Variants in CREB3L2 observed in about 807,000 individuals in gnomAD.
CREB3L2 encodes the protein cAMP responsive element binding protein 3 like 2.
Under a neutral mutation model 57.2 loss-of-function variants are expected in CREB3L2, and 23 were observed. The ratio of observed to expected loss-of-function variants is 0.40; its 90% CI spans 0.29 to 0.57. The LOEUF is 0.57. Among genes scored for constraint, CREB3L2 ranks in the 20% least tolerant of loss-of-function variants. CREB3L2 has a pLI of 0.42. For missense variants in CREB3L2, 628 were observed against 634.7 expected, an observed-to-expected ratio of 0.99 and a Z score of 0.11; for synonymous variants, 268 against 265.1, an observed-to-expected ratio of 1.01 and a Z score of -0.11.
Position 138,001,547 on chromosome 7 carries a change from G to A in CREB3L2, c.102+57C>T. On this transcript the variant is annotated intron_variant, in intron 1 of 11. Coordinates refer to ENST00000330387, the MANE Select transcript of CREB3L2 (RefSeq NM_194071.4). The surrounding 1 kb of genome is among the most constrained non-coding windows in gnomAD (Gnocchi z 4.2). ...GGTCCCAGGACTCCAGCTGCTCCTC[G>A]CGTGACAACACTTGCCCGCTTTGAA... The A allele has an allele frequency of 7.4e-7, 1 of 1,346,402 alleles. No homozygotes were observed. Among genetic ancestry groups the A allele is most frequent in the Admixed American group, 2.0e-5 (1 of 49,818 alleles). The allele number at this position is 1,346,402 out of a possible 1,614,324, so 83.4% of individuals were successfully genotyped here. A position where few individuals can be genotyped will look rare whatever the true frequency, so the allele number is the denominator to read the frequency against.
intron 1 of CREB3L2, chr7:137,936,054 T>C (rs1470508178): frequency 7.1e-5 from 29 of 408,318 alleles, no homozygotes; most frequent in Non-Finnish European, 9.6e-5. Flanking sequence ...TTCATAATTC[T>C]TTAGTTCAAA....
chr7:137,922,744 C>T (rs1272366888), intron 2 of CREB3L2: 1 of 396,316 alleles, frequency 2.5e-6, no homozygotes, highest in Non-Finnish European at 5.2e-6. Context: ...GACCGTACAT[C>T]CATTTACTAT....
At chr7:137,922,483 T>C (rs1800350543) in intron 2 of CREB3L2, 1 of 186,154 alleles carries the variant, frequency 5.4e-6, no homozygotes, top group Non-Finnish European at 1.0e-5. Flanking sequence ...CACATATATA[T>C]ATACACACAC....
At chr7:138,000,681 C>T (rs1330727010) in intron 1 of CREB3L2, among the ~76,000 whole-genome samples, 1 of 152,128 alleles carries the variant, frequency 6.6e-6, no homozygotes, top group Non-Finnish European at 1.5e-5. Context: ...AGTGTCCCCC[C>T]TCACCCCAGC....
intron 8 of CREB3L2, among the ~76,000 whole-genome samples, chr7:137,892,346 T>TA (rs1245158167): frequency 7.5e-6 from 1 of 133,148 alleles, no homozygotes; most frequent in African/African-American, 3.8e-5. Flanking sequence ...ATGCACACAA[T>TA]TAAAAAAAAA....
intron 1 of CREB3L2, among the ~76,000 whole-genome samples, chr7:137,940,626 C>A (rs1040984407): frequency 6.6e-6 from 1 of 152,180 alleles, no homozygotes; most frequent in African/African-American, 2.4e-5. Flanking sequence ...CCACAGACGA[C>A]CCCCACAGAA....
intron 1 of CREB3L2, chr7:137,999,817 G>A (rs531912322): frequency 6.6e-6 from 1 of 152,188 alleles, no homozygotes; most frequent in Non-Finnish European, 1.5e-5. Flanking sequence ...GTACCTAAGT[G>A]GAGGACATAA....
In CREB3L2 at chr7:137,928,365, T is replaced by C; in HGVS notation, c.104A>G (p.His35Arg). The change falls in exon 2 of 12, where the codon CAC becomes CGC. Residue 35 changes from histidine (H) to arginine (R), a missense_variant and splice_region_variant. By Grantham distance (29) the His-to-Arg change is conservative (BLOSUM62 0). Transcript: ENST00000330387. Reference sequence around the variant, plus strand: ...AAACTCATCCAGAAGTTCTGAGAAGTGCTACAAGAAACAAAGGAGGAAGAA... The same window carrying C: ...AAACTCATCCAGAAGTTCTGAGAAGCGCTACAAGAAACAAAGGAGGAAGAA... ...GDGEALMYHT[H>R]FSELLDEFSQ... 1 of 1,613,224 alleles carries C rather than the reference T, an allele frequency of 6.2e-7. No individual in the cohort carries two copies. The highest frequency in any genetic ancestry group is 8.5e-7 in the Non-Finnish European group (1 of 1,179,402).
chr7:137,916,782 G>A (rs1800144942), intron 2 of CREB3L2, among the ~76,000 whole-genome samples: 1 of 151,900 alleles, frequency 6.6e-6, no homozygotes, highest in Non-Finnish European at 1.5e-5. Flanking sequence ...GAGTGAGAGT[G>A]AGAGTGAGAG....
At chr7:137,957,920 A>G in intron 1 of CREB3L2, 1 of 453,066 alleles carries the variant, frequency 2.2e-6, no homozygotes, top group Non-Finnish European at 4.0e-6. Flanking sequence ...AATAATGGCT[A>G]CAATCTAGGA....
intron 1 of CREB3L2, chr7:137,953,568 C>T (rs910909411): frequency 9.1e-6 from 11 of 1,213,320 alleles, no homozygotes; most frequent in South Asian, 3.8e-5. Flanking sequence ...TGGGTGATGA[C>T]GGTCTCAGAA....
Position 137,922,422 on chromosome 7 carries a change from ATATATATATATATACG to A in CREB3L2, c.319+5712_319+5727del, listed in dbSNP as rs1563253327. ...TATATATATATATATATATGTATAT[ATATATATATATATACG>A]TATATATATATATATACACACATAT... On this transcript the variant is annotated intron_variant, in intron 2 of 11. Coordinates refer to ENST00000330387, the MANE Select transcript of CREB3L2 (RefSeq NM_194071.4). 5.2e-3 allele frequency among the ~76,000 whole-genome samples: 230 copies of A among 44,104 alleles called. 7 individuals are homozygous for A. The highest frequency in any genetic ancestry group is 0.032 in the African/African-American group (219 of 6,798). 28.9% of individuals were successfully genotyped at this position (44,104 alleles called of 152,430 possible).
chr7:137,942,798 C>G (rs1411209129), intron 1 of CREB3L2, among the ~76,000 whole-genome samples: 3 of 152,186 alleles, frequency 2.0e-5, no homozygotes, highest in Admixed American at 2.0e-4. Context: ...AATGTTTGTT[C>G]ATGATTGAAC....
intron 7 of CREB3L2, among the ~76,000 whole-genome samples, chr7:137,902,560 A>T (rs1263726279): frequency 1.3e-5 from 2 of 152,210 alleles, no homozygotes; most frequent in African/African-American, 4.8e-5. Flanking sequence ...ATGGGACTAC[A>T]GTCTTCCCAC....
In CREB3L2 at chr7:137,879,661, C is replaced by A. The variant is rs778934798; in HGVS notation, c.*815G>T. On this transcript the variant is annotated 3_prime_UTR_variant, in exon 12 of 12. Transcript: ENST00000330387. ...GGGTGCCCTCCTAGCTCTGAAGGCTCGCAGAAAACTTGGCTAGCTTGAAAG... is the reference window on the plus strand; with the variant it reads ...GGGTGCCCTCCTAGCTCTGAAGGCTAGCAGAAAACTTGGCTAGCTTGAAAG... 4.2e-6 allele frequency: 1 copy of A among 238,482 alleles called. No individual in the cohort carries two copies. Among genetic ancestry groups the A allele is most frequent in the Non-Finnish European group, 8.2e-6 (1 of 121,556 alleles). The allele number at this position is 238,482 out of a possible 1,614,324, so 14.8% of individuals were successfully genotyped here. A position where few individuals can be genotyped will look rare whatever the true frequency, so the allele number is the denominator to read the frequency against.
At chr7:137,908,470 G>C in intron 4 of CREB3L2, 34 bp from the exon 5 acceptor site, 1 of 1,246,622 alleles carries the variant, frequency 8.0e-7, no homozygotes, top group Non-Finnish European at 1.0e-6. Flanking sequence ...ATCCATCCCA[G>C]AGCCACAAAG....
In CREB3L2 at chr7:137,904,094, C is replaced by T. The variant is rs115869560; in HGVS notation, c.916-77G>A. ...ACCAGTTAAGATGGGAGGTGGTTAG[C>T]GTAGAAGTCACCAAAGCCCTGCTTA... On this transcript the variant is annotated intron_variant, in intron 6 of 11. Coordinates refer to ENST00000330387, the MANE Select transcript of CREB3L2 (RefSeq NM_194071.4). 4.6e-4 allele frequency: 567 copies of T among 1,229,896 alleles called. No homozygotes were observed. In the African/African-American group the frequency reaches 7.8e-3, roughly 17 times the overall value. The allele number at this position is 1,229,896 out of a possible 1,614,324, so 76.2% of individuals were successfully genotyped here. A position where few individuals can be genotyped will look rare whatever the true frequency, so the allele number is the denominator to read the frequency against.
chr7:137,882,752 A>G (rs2117173070), intron 10 of CREB3L2, 124 bp from the exon 11 acceptor site: 1 of 606,128 alleles, frequency 1.6e-6, no homozygotes, highest in Non-Finnish European at 2.7e-6. Flanking sequence ...GCCCAGAACC[A>G]TGGGTGCCAA....
intron 2 of CREB3L2, among the ~76,000 whole-genome samples, chr7:137,925,081 C>T (rs1433855316): frequency 1.3e-5 from 2 of 152,036 alleles, no homozygotes; most frequent in Non-Finnish European, 2.9e-5. Context: ...TGTGTGTGCC[C>T]TTTTCAGTTG....
Sources: gnomAD v4.1 joint callset for allele counts (sites outside exome capture counted in the v4.1 genomes callset) on GRCh38, gnomAD v4.1.1 for gene constraint, Gnocchi (gnomAD v3.1) non-coding constraint, MANE v1.5 for transcripts, NCBI Gene and HGNC (gene_info 2026-07-23, HGNC 2026-07-21) for gene names.